Variants in ANTXR1 observed in about 807,000 individuals in gnomAD.
ANTXR1 encodes anthrax toxin receptor 1.
Under a neutral mutation model 78.1 loss-of-function variants are expected in ANTXR1, and 19 were observed. The observed-to-expected ratio is 0.24, with a 90% CI of 0.17 to 0.36. The LOEUF is 0.36. ANTXR1 is among the 10% of genes least tolerant of loss of function. ANTXR1 has a pLI of 1.00. For missense variants in ANTXR1, 518 were observed against 718.6 expected (o/e 0.72, Z 3.19); for synonymous variants, 273 against 260.5 (o/e 1.05, Z -0.46).
chr2:69,183,585 T>TTTTG (rs1674337904), intron 16 of ANTXR1, among the ~76,000 whole-genome samples: 1 of 140,720 alleles, frequency 7.1e-6, no homozygotes, highest in African/African-American at 2.8e-5. Flanking sequence ...TTTTTTTTTT[T>TTTTG]TTTTTTTTTT....
intron 2 of ANTXR1, 130 bp from the exon 3 acceptor site, chr2:69,044,612 G>T: frequency 1.1e-6 from 1 of 915,348 alleles, no homozygotes; most frequent in South Asian, 1.3e-5. Context: ...CAGCCTAGGA[G>T]GCCCCCTGTG....
intron 17 of ANTXR1, among the ~76,000 whole-genome samples, chr2:69,244,928 G>A (rs888759375): frequency 3.9e-5 from 6 of 152,152 alleles, no homozygotes; most frequent in Non-Finnish European, 7.3e-5. Context: ...GGCTGTTGAG[G>A]AGATTCAGTT....
At chr2:69,113,562 G>T (rs114592804) in intron 10 of ANTXR1, among the ~76,000 whole-genome samples, 2 of 152,114 alleles carry the variant, frequency 1.3e-5, no homozygotes, top group African/African-American at 4.8e-5. Context: ...TGGCCCAAGT[G>T]TGTGCCCAAG....
At chr2:69,192,259 G>A (rs1200951343) in intron 16 of ANTXR1, among the ~76,000 whole-genome samples, 1 of 152,098 alleles carries the variant, frequency 6.6e-6, no homozygotes, top group African/African-American at 2.4e-5. Context: ...AGCCCCAAAC[G>A]GGTCTCACTA....
intron 17 of ANTXR1, among the ~76,000 whole-genome samples, chr2:69,207,484 G>A (rs1674935254): frequency 6.6e-6 from 1 of 152,196 alleles, no homozygotes; most frequent in African/African-American, 2.4e-5. Context: ...GAAAAAGAGA[G>A]AGATGCAGTT....
intron 14 of ANTXR1, among the ~76,000 whole-genome samples, chr2:69,174,424 G>A (rs1404028038): frequency 6.6e-6 from 1 of 152,110 alleles, no homozygotes; most frequent in African/African-American, 2.4e-5. Context: ...GAGTACTTGA[G>A]ACCAGCCTGG....
chr2:69,031,787 C>T (rs1351373862), intron 1 of ANTXR1, among the ~76,000 whole-genome samples: 1 of 152,238 alleles, frequency 6.6e-6, no homozygotes, highest in Non-Finnish European at 1.5e-5. Flanking sequence ...TTGACAAAGT[C>T]TTGCTTCCAA....
chr2:69,141,400 T>C (rs578089995), intron 12 of ANTXR1, among the ~76,000 whole-genome samples: 23 of 152,314 alleles, frequency 1.5e-4, no homozygotes, highest in African/African-American at 5.5e-4. Context: ...CTGTCCATCA[T>C]TGGAAAGATT....
chr2:69,109,444 C>T lies in ANTXR1; in HGVS notation c.802+6504C>T, dbSNP rs372679641. On this transcript the variant is annotated intron_variant, in intron 10 of 17. Transcript: ENST00000303714. ...GAAAAATGTGGAAACTCGCCCTGGC[C>T]GATTTTAAGATTTATAAAAACGCTG... is the stretch of plus-strand genomic sequence containing the variant. Among the ~76,000 whole-genome samples the T allele has an allele frequency of 1.7e-4, 26 of 152,192 alleles. No homozygotes were observed. The East Asian group carries it at 4.0e-3, about 24-fold the overall frequency.
chr2:69,225,155 C>T (rs1208563862), intron 17 of ANTXR1, among the ~76,000 whole-genome samples: 1 of 152,188 alleles, frequency 6.6e-6, no homozygotes, highest in African/African-American at 2.4e-5. Context: ...ACTCAAATTT[C>T]ACAGTCCCGA....
rs114390027 is a variant in ANTXR1 at position 69,075,754 on chromosome 2, A to T, written c.561+96A>T. 2.1e-3 allele frequency: 2,347 copies of T among 1,119,170 alleles called. 31 individuals are homozygous for T. In the African/African-American group the frequency reaches 0.03, roughly 14 times the overall value. The allele number at this position is 1,119,170 out of a possible 1,614,324, so 69.3% of individuals were successfully genotyped here. On this transcript the variant is annotated intron_variant, in intron 7 of 17. Transcript: ENST00000303714. Reference sequence around the variant, plus strand: ...TGCAGAGGGAAGATCAATGGAATAAATGCCCCTGAAATAGGTTATTTTTCT... The same window carrying T: ...TGCAGAGGGAAGATCAATGGAATAATTGCCCCTGAAATAGGTTATTTTTCT...
At chr2:69,047,661 C>A (rs762006456) in intron 3 of ANTXR1, among the ~76,000 whole-genome samples, 26 of 152,032 alleles carry the variant, frequency 1.7e-4, no homozygotes, top group Non-Finnish European at 3.4e-4. Context: ...TTCTGGACCT[C>A]ATGGTAGTGT....
At chr2:69,157,628 T>C (rs1673562363) in intron 13 of ANTXR1, among the ~76,000 whole-genome samples, 1 of 152,176 alleles carries the variant, frequency 6.6e-6, no homozygotes, top group Admixed American at 6.5e-5. Flanking sequence ...CAGCACATCC[T>C]TTCCCACACC....
intron 17 of ANTXR1, among the ~76,000 whole-genome samples, chr2:69,236,308 G>GTA (rs914042298): frequency 5.3e-5 from 8 of 152,090 alleles, no homozygotes; most frequent in Admixed American, 2.0e-4. Flanking sequence ...GTGAGTTTGT[G>GTA]TATATATATG....
At chr2:69,172,710 T>G (rs949789337) in intron 14 of ANTXR1, among the ~76,000 whole-genome samples, 3 of 152,242 alleles carry the variant, frequency 2.0e-5, no homozygotes, top group Admixed American at 6.5e-5. Context: ...CTCAGTGACC[T>G]TTTTAATAGA....
chr2:69,201,945 G>A (rs918028195), intron 17 of ANTXR1, among the ~76,000 whole-genome samples: 2 of 152,196 alleles, frequency 1.3e-5, no homozygotes, highest in African/African-American at 4.8e-5. Context: ...TCAGGGTTGT[G>A]TGAAAGTAGG....
chr2:69,181,857 C>T lies in ANTXR1; in HGVS notation c.1161C>T (p.Gly387=), dbSNP rs762651259. 4.3e-6 allele frequency: 7 copies of T among 1,614,024 alleles called. No homozygotes were observed. Among genetic ancestry groups the T allele is most frequent in the African/African-American group, 1.3e-5 (1 of 75,000 alleles). ...TVDASYYGGR[G]VGGIKRMEVR... ...ACGCCTCTTATTATGGTGGGAGAGGCGTTGGAGGCATTAAAAGAATGGAGG... is the reference window on the plus strand; with the variant it reads ...ACGCCTCTTATTATGGTGGGAGAGGTGTTGGAGGCATTAAAAGAATGGAGG... The change falls in exon 15 of 18, where the codon GGC becomes GGT. Residue 387 remains glycine, a synonymous_variant. Coordinates refer to ENST00000303714, the MANE Select transcript of ANTXR1 (RefSeq NM_032208.3).
At chr2:69,092,571 A>T (rs929697961) in intron 9 of ANTXR1, among the ~76,000 whole-genome samples, 3 of 152,228 alleles carry the variant, frequency 2.0e-5, no homozygotes, top group Non-Finnish European at 4.4e-5. Flanking sequence ...ATCCCAAAAG[A>T]TTACCTACTG....
intron 13 of ANTXR1, among the ~76,000 whole-genome samples, chr2:69,157,173 C>T (rs1457001281): frequency 6.6e-6 from 1 of 152,118 alleles, no homozygotes; most frequent in Admixed American, 6.5e-5. Context: ...GCACTGTCGA[C>T]CTCTCTCTCC....
Sources: gnomAD v4.1 joint callset for allele counts (sites outside exome capture counted in the v4.1 genomes callset) on GRCh38, gnomAD v4.1.1 for gene constraint, MANE v1.5 for transcripts, NCBI Gene and HGNC (gene_info 2026-07-23, HGNC 2026-07-21) for gene names.